CHN2: variants seen among roughly 807,000 people sequenced by gnomAD.
CHN2 encodes the protein beta-chimaerin.
A neutral mutation model predicts 56.3 loss-of-function variants in CHN2; 35 were observed. That is an observed-to-expected ratio of 0.62 (90% CI 0.47 to 0.82). The LOEUF (loss-of-function observed/expected upper bound fraction) is 0.82. CHN2 is among the 40% of genes least tolerant of loss of function. The pLI is 0.00. For missense variants in CHN2, 491 were observed against 580.5 expected (o/e 0.85, Z 1.58); for synonymous variants, 210 against 212.8 (o/e 0.99, Z 0.12).
At chr7:29,265,749 T>C (rs564370664) in intron 1 of CHN2, among the ~76,000 whole-genome samples, 3 of 152,030 alleles carry the variant, frequency 2.0e-5, no homozygotes, top group Non-Finnish European at 4.4e-5. Context: ...GGTTGGTGAG[T>C]GACAGCTGAG....
At chr7:29,504,846 C>T (rs1416765214) in intron 10 of CHN2, 25 bp downstream of exon 10, 1 of 1,521,284 alleles carries the variant, frequency 6.6e-7, no homozygotes, top group Non-Finnish European at 9.1e-7. Context: ...TCTTGAATGC[C>T]ATCTGACATC....
chr7:29,238,502 G>A (rs924373346), intron 1 of CHN2, among the ~76,000 whole-genome samples: 2 of 152,084 alleles, frequency 1.3e-5, no homozygotes, highest in Non-Finnish European at 1.5e-5. Flanking sequence ...TTGATCATGA[G>A]CTATGTGCCA....
chr7:29,423,636 A>G (rs1350032909), intron 6 of CHN2, among the ~76,000 whole-genome samples: 2 of 152,168 alleles, frequency 1.3e-5, no homozygotes, highest in African/African-American at 4.8e-5. Context: ...TAGCCACTTT[A>G]TTTTCTTTTT....
intron 1 of CHN2, chr7:29,146,752 T>G: frequency 6.5e-7 from 1 of 1,549,818 alleles, no homozygotes. Flanking sequence ...TCAGGTTGGT[T>G]TGTCCCTTTG....
chr7:29,367,925 T>C lies in CHN2; in HGVS notation c.89-7T>C. The C allele has an allele frequency of 6.2e-7, 1 of 1,609,080 alleles. No individual in the cohort carries two copies. The highest frequency in any genetic ancestry group is 1.1e-5 in the South Asian group (1 of 90,174). ...ATTTCTCTCTCTCTCTCTCTCTTTTTTGGCAGTATATCAGTTACAGCAAGA... is the reference window on the plus strand; with the variant it reads ...ATTTCTCTCTCTCTCTCTCTCTTTTCTGGCAGTATATCAGTTACAGCAAGA... On this transcript the variant is annotated splice_polypyrimidine_tract_variant and splice_region_variant and intron_variant, in intron 2 of 12. Transcript: ENST00000222792.
At chr7:29,493,194 T>C (rs1788848017) in intron 7 of CHN2, among the ~76,000 whole-genome samples, 1 of 152,148 alleles carries the variant, frequency 6.6e-6, no homozygotes, top group South Asian at 2.1e-4. Flanking sequence ...TACAGTTGCC[T>C]ACAGTATTTA....
At chr7:29,302,287 C>T (rs2128878755) in intron 1 of CHN2, among the ~76,000 whole-genome samples, 1 of 151,900 alleles carries the variant, frequency 6.6e-6, no homozygotes, top group South Asian at 2.1e-4. Context: ...TCCTCTTCTT[C>T]TTCCTCCTCT....
At chr7:29,195,633 T>A (rs62444104) in intron 1 of CHN2, among the ~76,000 whole-genome samples, 20,069 of 102,690 alleles carry the variant, frequency 0.2, 1,616 homozygotes, top group East Asian at 0.3. Flanking sequence ...AGAGAGAGTG[T>A]GTGTGTGTGT....
chr7:29,256,350 CAT>C (rs1277969199), intron 1 of CHN2, among the ~76,000 whole-genome samples: 31 of 152,234 alleles, frequency 2.0e-4, no homozygotes, highest in Admixed American at 1.3e-4. Flanking sequence ...CTCATTCTCA[CAT>C]AGTTTTAATG....
chr7:29,363,358 G>C (rs1585165189), intron 2 of CHN2, among the ~76,000 whole-genome samples: 1 of 152,216 alleles, frequency 6.6e-6, no homozygotes, highest in Admixed American at 6.5e-5. Context: ...GGTGATGCGT[G>C]CCTGTAGTCC....
At chr7:29,273,215 TTTTC>T (rs1790804586) in intron 1 of CHN2, among the ~76,000 whole-genome samples, 1 of 151,380 alleles carries the variant, frequency 6.6e-6, no homozygotes, top group African/African-American at 2.4e-5. Flanking sequence ...CATGCAATAT[TTTTC>T]TTTCTTTGTC....
At chr7:29,324,016 C>T (rs1307461494) in intron 1 of CHN2, among the ~76,000 whole-genome samples, 2 of 148,404 alleles carry the variant, frequency 1.3e-5, no homozygotes, top group African/African-American at 5.0e-5. Flanking sequence ...AAAAACAAAA[C>T]AAAACCAAAA....
intron 2 of CHN2, among the ~76,000 whole-genome samples, chr7:29,355,656 G>A (rs920064275): frequency 6.6e-6 from 1 of 151,768 alleles, no homozygotes; most frequent in South Asian, 2.1e-4. Flanking sequence ...GTCATCATTA[G>A]CATTCCTAAC....
chr7:29,476,327 A>C (rs1165764915), intron 6 of CHN2, among the ~76,000 whole-genome samples: 4 of 104,222 alleles, frequency 3.8e-5, no homozygotes, highest in African/African-American at 1.2e-4. Flanking sequence ...ACCTGAGGTC[A>C]GGAGTTTGAA....
intron 7 of CHN2, among the ~76,000 whole-genome samples, chr7:29,495,293 G>A (rs1789144995): frequency 1.3e-5 from 2 of 152,114 alleles, no homozygotes; most frequent in Admixed American, 1.3e-4. Context: ...CAACTGGCTG[G>A]GAGCATCAAT....
intron 1 of CHN2, among the ~76,000 whole-genome samples, chr7:29,323,746 C>T (rs1406883677): frequency 2.0e-5 from 3 of 151,964 alleles, no homozygotes; most frequent in Admixed American, 6.6e-5. Context: ...ACCTGTAATT[C>T]CAGCACTTTG....
rs1236566587 is a variant in CHN2 at position 29,509,284 on chromosome 7, A to G, written c.1130-17A>G. 1 of 1,592,036 alleles carries G rather than the reference A, an allele frequency of 6.3e-7. No homozygotes were observed. Among genetic ancestry groups the G allele is most frequent in the African/African-American group, 1.3e-5 (1 of 74,600 alleles). On this transcript the variant is annotated splice_polypyrimidine_tract_variant and intron_variant, in intron 11 of 12. Transcript: ENST00000222792. ...GCCACACTCTGAACTAATACCCATC[A>G]TGCGTGAACTTCACAGAAATCTCCA... is the stretch of plus-strand genomic sequence containing the variant.
intron 1 of CHN2, among the ~76,000 whole-genome samples, chr7:29,353,223 A>T (rs981105867): frequency 2.0e-5 from 3 of 152,216 alleles, no homozygotes; most frequent in Non-Finnish European, 4.4e-5. Context: ...ATTGTGAAAG[A>T]ATTCCATTTA....
At chr7:29,247,236 A>C (rs1356376119) in intron 1 of CHN2, among the ~76,000 whole-genome samples, 1 of 152,306 alleles carries the variant, frequency 6.6e-6, no homozygotes, top group East Asian at 1.9e-4. Flanking sequence ...TTGGGGACTG[A>C]GATCAGAGGC....
Sources: gnomAD v4.1 joint callset for allele counts (sites outside exome capture counted in the v4.1 genomes callset) on GRCh38, gnomAD v4.1.1 for gene constraint, MANE v1.5 for transcripts, NCBI Gene and HGNC (gene_info 2026-07-23, HGNC 2026-07-21) for gene names.